NTMT1: variants seen among roughly 807,000 people sequenced by gnomAD.
The protein encoded by NTMT1 is N-terminal RCC1 methyltransferase.
In NTMT1, 8 loss-of-function variants were observed where a neutral mutation model predicts 17.5. The observed-to-expected ratio is 0.46, with a 90% CI of 0.27 to 0.82. The LOEUF (loss-of-function observed/expected upper bound fraction) is 0.82, where lower values mean the gene tolerates loss of function less well. Ranked by LOEUF, NTMT1 falls within the 40% of genes least tolerant of loss-of-function variation. The pLI, the probability that NTMT1 is intolerant of heterozygous loss-of-function variation, is 0.15. For missense variants in NTMT1, 221 were observed against 303.5 expected (o/e 0.73, Z 2.02); for synonymous variants, 128 against 126.8 (o/e 1.01, Z -0.06).
Position 129,613,480 on chromosome 9 carries a change from T to C in NTMT1, c.-55+4302T>C. Reference sequence around the variant, plus strand: ...CGAGGAGCTGGCCAGGGTCTCCTCCTTGGCCCCAGGGTACAGGGCTTTGGG... The same window carrying C: ...CGAGGAGCTGGCCAGGGTCTCCTCCCTGGCCCCAGGGTACAGGGCTTTGGG... On this transcript the variant is annotated intron_variant, in intron 1 of 3. Coordinates refer to the NTMT1 transcript ENST00000372486. The surrounding 1 kb of genome is among the most constrained non-coding windows in gnomAD (Gnocchi z 6.2). 1 of 1,614,146 alleles carries C rather than the reference T, an allele frequency of 6.2e-7. No homozygotes were observed. Among genetic ancestry groups the C allele is most frequent in the Non-Finnish European group, 8.5e-7 (1 of 1,180,026 alleles).
chr9:129,617,375 C>G (rs751569619), intron 1 of NTMT1, among the ~76,000 whole-genome samples: 1 of 152,214 alleles, frequency 6.6e-6, no homozygotes, highest in Non-Finnish European at 1.5e-5. Flanking sequence ...CTGGGCCAGG[C>G]AAAGGCATAA....
chr9:129,612,463 A>C (rs1197208825), intron 1 of NTMT1: 1 of 1,608,606 alleles, frequency 6.2e-7, no homozygotes, highest in Non-Finnish European at 8.5e-7. Flanking sequence ...TCCTAGAGTG[A>C]GACAGAGGAC....
exon 1 of NTMT1, chr9:129,609,011 A>G (rs1384843634): frequency 6.6e-6 from 1 of 152,330 alleles, no homozygotes; most frequent in South Asian, 2.1e-4. Flanking sequence ...TCACTGTGTG[A>G]TCTTGAGAAA....
chr9:129,634,500 T>A, intron 3 of NTMT1, 194 bp downstream of exon 3: 2 of 527,550 alleles, frequency 3.8e-6, no homozygotes, highest in Non-Finnish European at 6.3e-6. Flanking sequence ...GTAGATTTCT[T>A]CCTTCTAGGT....
Position 129,620,915 on chromosome 9 carries a change from G to GT in NTMT1, c.-54-11734dup, listed in dbSNP as rs918008528. On this transcript the variant is annotated intron_variant, in intron 1 of 3. Transcript: ENST00000372486. This position sits in a 1 kb window ranked among gnomAD's most constrained non-coding sequence, Gnocchi z 5.8. ...ACACATAGACTAGCTGCCATTCTTA[G>GT]TATTTCAAAGTTATTATTATTTAGG... The GT allele has an allele frequency of 1.6e-5, 4 of 244,348 alleles. No individual in the cohort carries two copies. The highest frequency in any genetic ancestry group is 3.1e-5 in the Non-Finnish European group (4 of 128,482). The allele number at this position is 244,348 out of a possible 1,614,324, so 15.1% of individuals were successfully genotyped here.
chr9:129,628,096 G>C (rs1490909519), intron 1 of NTMT1, among the ~76,000 whole-genome samples: 2 of 152,164 alleles, frequency 1.3e-5, no homozygotes, highest in African/African-American at 4.8e-5. Flanking sequence ...CACAAAGCCC[G>C]TGTGCTCCTG....
chr9:129,633,111 G>A (rs986317982), intron 2 of NTMT1: 6 of 514,218 alleles, frequency 1.2e-5, no homozygotes, highest in African/African-American at 9.6e-5. Context: ...CCTGAATTGG[G>A]CAAACCTCTC....
intron 1 of NTMT1, chr9:129,619,911 C>A: frequency 1.3e-6 from 2 of 1,527,056 alleles, no homozygotes; most frequent in Admixed American, 1.7e-5. Flanking sequence ...TGATGGCAGA[C>A]CAGCCCTCAA....
chr9:129,624,759 G>T (rs1201577053), upstream of NTMT1, among the ~76,000 whole-genome samples: 5 of 152,146 alleles, frequency 3.3e-5, no homozygotes, highest in African/African-American at 1.2e-4. Context: ...CCTCAGAGTA[G>T]CTGGGACTAC....
chr9:129,621,593 C>T (rs1230217722), upstream of NTMT1, among the ~76,000 whole-genome samples: 2 of 152,186 alleles, frequency 1.3e-5, no homozygotes, highest in Non-Finnish European at 2.9e-5. Context: ...GTCTTGAACT[C>T]CTGGGCTCAA....
At chr9:129,635,053 A>G in intron 3 of NTMT1, 155 bp from the exon 4 acceptor site, 2 of 828,190 alleles carry the variant, frequency 2.4e-6, no homozygotes, top group Non-Finnish European at 3.8e-6. Flanking sequence ...ATTGGGGTTT[A>G]GTAAATCTCT....
chr9:129,632,733 G>C lies in NTMT1; in HGVS notation c.30G>C (p.Lys10Asn). The C allele has an allele frequency of 6.2e-7, 1 of 1,614,158 alleles. No homozygotes were observed. The highest frequency in any genetic ancestry group is 1.1e-5 in the South Asian group (1 of 91,072). The change falls in exon 2 of 4, where the codon AAG becomes AAC. Residue 10 changes from lysine to asparagine, a missense_variant. Coordinates refer to ENST00000372483, the MANE Select transcript of NTMT1 (RefSeq NM_014064.4). ...CGAGCGAGGTGATAGAAGACGAGAA[G>C]CAATTCTATTCCAAGGCCAAGACCT... is the stretch of plus-strand genomic sequence containing the variant. MTSEVIEDEKQFYSKAKTYW... is the reference protein window; with the variant it reads MTSEVIEDENQFYSKAKTYW...
At chr9:129,618,425 G>T (rs997508164) in intron 1 of NTMT1, among the ~76,000 whole-genome samples, 1 of 152,110 alleles carries the variant, frequency 6.6e-6, no homozygotes, top group Non-Finnish European at 1.5e-5. Flanking sequence ...TGGGTGGGTG[G>T]GTTGATGGGT....
intron 1 of NTMT1, among the ~76,000 whole-genome samples, chr9:129,617,899 G>A (rs1234332855): frequency 6.6e-6 from 1 of 152,240 alleles, no homozygotes; most frequent in East Asian, 1.9e-4. Context: ...ACCAAGGCTG[G>A]TCTCAAACTC....
chr9:129,632,075 T>TA (rs1382598042), intron 1 of NTMT1, among the ~76,000 whole-genome samples: 4 of 152,130 alleles, frequency 2.6e-5, no homozygotes, highest in African/African-American at 9.7e-5. Context: ...GCTCTCGGCT[T>TA]TGCGGTCGTT....
intron 1 of NTMT1, among the ~76,000 whole-genome samples, chr9:129,610,368 C>G (rs1564330027): frequency 6.6e-6 from 1 of 150,972 alleles, no homozygotes; most frequent in African/African-American, 2.4e-5. Flanking sequence ...GCGGGGGCGC[C>G]GAGACCCGCC....
intron 1 of NTMT1, among the ~76,000 whole-genome samples, chr9:129,612,865 G>A (rs938904320): frequency 6.6e-6 from 1 of 152,164 alleles, no homozygotes; most frequent in African/African-American, 2.4e-5. Context: ...GGGGAGGGGA[G>A]ATGCAGAAAG....
chr9:129,611,592 T>G (rs1453696339), intron 1 of NTMT1, among the ~76,000 whole-genome samples: 3 of 150,832 alleles, frequency 2.0e-5, no homozygotes, highest in Non-Finnish European at 4.4e-5. Context: ...CTCACTCCAT[T>G]GTGGATGTCA....
chr9:129,611,450 G>A (rs1388332481), intron 1 of NTMT1, among the ~76,000 whole-genome samples: 2 of 152,228 alleles, frequency 1.3e-5, no homozygotes, highest in African/African-American at 4.8e-5. Flanking sequence ...CCCCAGACTA[G>A]GAGAGAAACC....
Sources: allele counts gnomAD v4.1 joint callset (sites outside exome capture counted in the v4.1 genomes callset), GRCh38; gene constraint gnomAD v4.1.1; non-coding constraint Gnocchi (gnomAD v3.1); transcripts MANE v1.5; gene names NCBI Gene and HGNC (gene_info 2026-07-23, HGNC 2026-07-21).